The following ASCC1 variants were observed in gnomAD, a reference collection of about 807,000 sequenced individuals.
ASCC1 encodes the protein activating signal cointegrator 1 complex subunit 1.
ASCC1 carries 35 observed loss-of-function variants against 46.6 expected under a neutral mutation model. The ratio of observed to expected loss-of-function variants is 0.75; its 90% CI spans 0.57 to 0.99. ASCC1 has a LOEUF of 0.99. Ranked by LOEUF, ASCC1 falls within the 50% of genes least tolerant of loss-of-function variation. ASCC1 has a pLI of 0.00. For missense variants in ASCC1, 376 were observed against 428.7 expected, an observed-to-expected ratio of 0.88 and a Z score of 1.09; for synonymous variants, 143 against 146.6, an observed-to-expected ratio of 0.98 and a Z score of 0.18.
At chr10:72,203,916 G>C (rs1856846499) in intron 3 of ASCC1, among the ~76,000 whole-genome samples, 1 of 152,120 alleles carries the variant, frequency 6.6e-6, no homozygotes, top group South Asian at 2.1e-4. Flanking sequence ...CCAGGAGTTT[G>C]AGACCAGCCT....
intron 2 of ASCC1, chr10:72,212,243 G>A (rs1391682911): frequency 5.2e-6 from 1 of 192,568 alleles, no homozygotes; most frequent in South Asian, 6.4e-5. Context: ...AACCCGGGAG[G>A]TAGAGGTTGC....
At chr10:72,205,534 G>A (rs1857079503) in intron 3 of ASCC1, among the ~76,000 whole-genome samples, 1 of 151,906 alleles carries the variant, frequency 6.6e-6, no homozygotes, top group Admixed American at 6.6e-5. Context: ...GGGAGGCTGA[G>A]GCAGGAGATT....
chr10:72,199,592 G>T (rs1195293390), intron 4 of ASCC1, among the ~76,000 whole-genome samples: 3 of 151,244 alleles, frequency 2.0e-5, no homozygotes, highest in African/African-American at 7.3e-5. Flanking sequence ...CACTGGGCCT[G>T]GCCGGCTAAT....
At chr10:72,118,562 C>A (rs1032641341) in intron 9 of ASCC1, among the ~76,000 whole-genome samples, 32 of 151,876 alleles carry the variant, frequency 2.1e-4, no homozygotes, top group African/African-American at 7.5e-4. Flanking sequence ...GGTGGATTAC[C>A]TGAGGTCAGG....
intron 5 of ASCC1, among the ~76,000 whole-genome samples, chr10:72,193,445 A>AACACACACAC (rs57910616): frequency 3.5e-4 from 52 of 146,512 alleles, no homozygotes; most frequent in African/African-American, 1.3e-3. Flanking sequence ...TAATAAACAA[A>AACACACACAC]ACACACACAC....
chr10:72,210,735 T>A lies in ASCC1; in HGVS notation c.209A>T (p.Tyr70Phe). Residue 70 changes from tyrosine to phenylalanine, a missense_variant, in exon 3 of 10, where the codon TAT (tyrosine) becomes TTT (phenylalanine). Transcript: ENST00000672957. ...AACTGTTGGGGACATGACTCACTTA[T>A]AGAGCAAGCTGGGGGCCCTCAAAGT... ...RSTLRAPSLL[Y>F]KHIVGKRGDT... The A allele has an allele frequency of 6.2e-7, 1 of 1,613,998 alleles. No individual in the cohort carries two copies. Among genetic ancestry groups the A allele is most frequent in the Non-Finnish European group, 8.5e-7 (1 of 1,179,920 alleles).
At chr10:72,132,960 A>G (rs1589278764) in intron 8 of ASCC1, 97 bp downstream of exon 8, 3 of 1,494,888 alleles carry the variant, frequency 2.0e-6, no homozygotes, top group Non-Finnish European at 2.8e-6. Context: ...AAAAGAAGCT[A>G]TATCAGAGAT....
chr10:72,143,847 A>G (rs1196863023), intron 7 of ASCC1, among the ~76,000 whole-genome samples: 1 of 151,800 alleles, frequency 6.6e-6, no homozygotes, highest in Non-Finnish European at 1.5e-5. Flanking sequence ...CCCTAATAAA[A>G]AATTAACTAT....
At chr10:72,165,435 C>G (rs1162543259) in intron 5 of ASCC1, among the ~76,000 whole-genome samples, 1 of 152,184 alleles carries the variant, frequency 6.6e-6, no homozygotes, top group African/African-American at 2.4e-5. Flanking sequence ...CTCTTCTATT[C>G]CAACAGGAAT....
chr10:72,214,533 C>A (rs1367968010), intron 1 of ASCC1, among the ~76,000 whole-genome samples: 2 of 151,240 alleles, frequency 1.3e-5, no homozygotes, highest in Non-Finnish European at 2.9e-5. Flanking sequence ...CTGCCACCAC[C>A]CCCGGCTAAT....
At chr10:72,152,214 A>C (rs1848447612) in intron 7 of ASCC1, among the ~76,000 whole-genome samples, 1 of 135,008 alleles carries the variant, frequency 7.4e-6, no homozygotes, top group Admixed American at 7.6e-5. Context: ...TTGTATAGAG[A>C]GAGTTTCTTT....
chr10:72,170,480 G>A (rs923748395), intron 5 of ASCC1, among the ~76,000 whole-genome samples: 5 of 151,642 alleles, frequency 3.3e-5, no homozygotes, highest in Admixed American at 2.0e-4. Flanking sequence ...GCGTGGCACC[G>A]TGCCTGGAAT....
intron 9 of ASCC1, among the ~76,000 whole-genome samples, chr10:72,125,034 G>A (rs1277045756): frequency 6.6e-6 from 1 of 152,076 alleles, no homozygotes; most frequent in Non-Finnish European, 1.5e-5. Context: ...CAAAAAAGCT[G>A]TACAAAAGAA....
At chr10:72,195,139 G>GTTTTTTTTTTTTT (rs142672810) in intron 5 of ASCC1, among the ~76,000 whole-genome samples, 27 of 61,018 alleles carry the variant, frequency 4.4e-4, no homozygotes, top group Non-Finnish European at 5.8e-4. Flanking sequence ...TTTTTGCTGT[G>GTTTTTTTTTTTTT]TTTTTTTTTT....
intron 5 of ASCC1, among the ~76,000 whole-genome samples, chr10:72,182,531 T>C (rs1241704194): frequency 6.6e-6 from 1 of 151,948 alleles, no homozygotes; most frequent in African/African-American, 2.4e-5. Context: ...GCAGGGTTGT[T>C]TAACAACAAC....
chr10:72,128,839 GA>G (rs1057389061), intron 8 of ASCC1, among the ~76,000 whole-genome samples: 1 of 151,516 alleles, frequency 6.6e-6, no homozygotes, highest in South Asian at 2.1e-4. Context: ...AAACAGGAAA[GA>G]AAAAAAATGT....
chr10:72,198,575 A>ATGT, intron 4 of ASCC1: 1 of 455,596 alleles, frequency 2.2e-6, no homozygotes, highest in Non-Finnish European at 4.4e-6. Flanking sequence ...GAAGCTTCTG[A>ATGT]TGTTCCATTG....
rs1043933018 is a variant in ASCC1, at chr10:72,097,045, G to T, written c.*289C>A. The T allele has an allele frequency of 6.3e-6, 3 of 475,406 alleles. No homozygotes were observed. Among genetic ancestry groups the T allele is most frequent in the Admixed American group, 2.3e-5 (1 of 43,176 alleles). The allele number at this position is 475,406 out of a possible 1,614,324, so 29.4% of individuals were successfully genotyped here. ...GTTACTGAACTGTGCACTTAAAAAT[G>T]GTGAAGACAGTATGTTTTATGAGTA... is the stretch of plus-strand genomic sequence containing the variant. On this transcript the variant is annotated 3_prime_UTR_variant, in exon 10 of 10. Coordinates refer to ENST00000672957, the MANE Select transcript of ASCC1 (RefSeq NM_001198800.3).
intron 5 of ASCC1, among the ~76,000 whole-genome samples, chr10:72,194,365 AAAAAACC>A (rs1855031086): frequency 1.3e-5 from 2 of 151,832 alleles, no homozygotes; most frequent in African/African-American, 4.8e-5. Flanking sequence ...TACAAAAAAA[AAAAAACC>A]AAAAACCTTA....
Sources: gnomAD v4.1 joint callset for allele counts (sites outside exome capture counted in the v4.1 genomes callset) on GRCh38, gnomAD v4.1.1 for gene constraint, MANE v1.5 for transcripts, NCBI Gene and HGNC (gene_info 2026-07-23, HGNC 2026-07-21) for gene names.